The following NLGN1 variants were observed in gnomAD, a reference collection of about 807,000 sequenced individuals.
NLGN1 encodes neuroligin-1.
A neutral mutation model predicts 65.5 loss-of-function variants in NLGN1; 12 were observed. The ratio of observed to expected loss-of-function variants is 0.18; its 90% CI spans 0.12 to 0.30. NLGN1 has a LOEUF of 0.30. Among genes scored for constraint, NLGN1 ranks in the 10% least tolerant of loss-of-function variants. The pLI is 1.00. For missense variants in NLGN1, 750 were observed against 1,007.1 expected (o/e 0.74, Z 3.46); for synonymous variants, 350 against 359.5 (o/e 0.97, Z 0.30).
intron 1 of NLGN1, among the ~76,000 whole-genome samples, chr3:173,429,711 C>T (rs1262241492): frequency 6.6e-6 from 1 of 152,186 alleles, no homozygotes; most frequent in African/African-American, 2.4e-5. Flanking sequence ...CTTTTCTGCA[C>T]TAGATGACAC....
chr3:173,930,934 G>A (rs1743971428), intron 4 of NLGN1, among the ~76,000 whole-genome samples: 1 of 152,120 alleles, frequency 6.6e-6, no homozygotes, highest in Non-Finnish European at 1.5e-5. Context: ...AGAGAAAATA[G>A]TACTACCTCC....
chr3:173,769,143 A>T (rs1163885121), intron 3 of NLGN1, among the ~76,000 whole-genome samples: 1 of 152,168 alleles, frequency 6.6e-6, no homozygotes, highest in East Asian at 1.9e-4. Context: ...TAAGAGGCAT[A>T]GTTTTGGAGG....
chr3:174,121,219 T>C (rs750579076), intron 4 of NLGN1, among the ~76,000 whole-genome samples: 13 of 152,192 alleles, frequency 8.5e-5, no homozygotes, highest in Non-Finnish European at 1.6e-4. Context: ...AGTGACAGCA[T>C]TTGAAAGAAC....
chr3:173,407,409 A>G (rs187992907), intron 1 of NLGN1, among the ~76,000 whole-genome samples: 1 of 152,344 alleles, frequency 6.6e-6, no homozygotes, highest in Admixed American at 6.5e-5. Context: ...ATGCAATGGT[A>G]GAGCTGGAAC....
chr3:173,454,840 A>G (rs1577570625), intron 2 of NLGN1, among the ~76,000 whole-genome samples: 1 of 152,198 alleles, frequency 6.6e-6, no homozygotes, highest in African/African-American at 2.4e-5. Flanking sequence ...TTCAGTAGGT[A>G]ACACTTTTAG....
intron 3 of NLGN1, among the ~76,000 whole-genome samples, chr3:173,751,965 G>T (rs1449663626): frequency 6.6e-6 from 1 of 151,974 alleles, no homozygotes; most frequent in African/African-American, 2.4e-5. Context: ...TGACTCTGAG[G>T]CCTGTGCTTG....
At chr3:173,413,044 CCTT>C (rs1282973087) in intron 1 of NLGN1, among the ~76,000 whole-genome samples, 1 of 152,162 alleles carries the variant, frequency 6.6e-6, no homozygotes, top group Non-Finnish European at 1.5e-5. Flanking sequence ...CGATATTTAT[CCTT>C]CTTTTCTTTT....
chr3:173,983,099 T>C (rs1294146448), intron 4 of NLGN1, among the ~76,000 whole-genome samples: 1 of 151,806 alleles, frequency 6.6e-6, no homozygotes, highest in Non-Finnish European at 1.5e-5. Flanking sequence ...CGAGTTCTTC[T>C]GTTTTTTCTT....
chr3:173,616,569 A>G lies in NLGN1; in HGVS notation c.493+11478A>G, dbSNP rs191846339. 1.3e-3 allele frequency among the ~76,000 whole-genome samples: 197 copies of G among 152,264 alleles called. 2 individuals carry two copies. Among genetic ancestry groups the G allele is most frequent in the African/African-American group, 4.5e-3 (187 of 41,560 alleles). ...GAGGTATTACTAATTGGGAATCTAT[A>G]GAAGCCAACCCTCCCGACATGAGGA... is the stretch of plus-strand genomic sequence containing the variant. On this transcript the variant is annotated intron_variant, in intron 3 of 6. Coordinates refer to ENST00000457714, the Ensembl canonical transcript of NLGN1.
intron 3 of NLGN1, among the ~76,000 whole-genome samples, chr3:173,706,512 T>C (rs1024062751): frequency 1.3e-5 from 2 of 152,352 alleles, no homozygotes; most frequent in African/African-American, 4.8e-5. Flanking sequence ...TTATACTTCA[T>C]GAAAATTTTG....
intron 4 of NLGN1, among the ~76,000 whole-genome samples, chr3:173,828,451 A>G (rs1216490966): frequency 3.3e-5 from 5 of 152,158 alleles, no homozygotes; most frequent in African/African-American, 1.2e-4. Context: ...GTGTTCATCC[A>G]ACAGATATTC....
intron 3 of NLGN1, among the ~76,000 whole-genome samples, chr3:173,756,645 G>A (rs1004861475): frequency 2.7e-5 from 4 of 150,780 alleles, no homozygotes; most frequent in African/African-American, 9.7e-5. Flanking sequence ...CCATTAATAG[G>A]AAACAGAACT....
chr3:173,521,102 C>G (rs961046120), intron 2 of NLGN1, among the ~76,000 whole-genome samples: 2 of 152,086 alleles, frequency 1.3e-5, no homozygotes, highest in African/African-American at 4.8e-5. Flanking sequence ...TAAACACATT[C>G]TGCTGGTATA....
rs201374361 is a variant in NLGN1, at chr3:173,726,524, TTTA to T, written c.494-81145_494-81143del. On this transcript the variant is annotated intron_variant, in intron 3 of 6. Coordinates refer to ENST00000457714, the Ensembl canonical transcript of NLGN1. The stretch of plus-strand genomic sequence containing the variant: ...AGTGTTATAAAACATGACAATACCC[TTTA>T]TTATTATTATGCTCTGGTTCTCCAA... Among the ~76,000 whole-genome samples, 1,514 of 152,120 alleles carry T rather than the reference TTTA, an allele frequency of 1.0e-2. 25 individuals are homozygous for T. The highest frequency in any genetic ancestry group is 0.028 in the South Asian group (135 of 4,822).
At position 174,078,701 on chromosome 3, in the gene NLGN1, T is replaced by C. The variant is rs147619467; in HGVS notation, c.647-196614T>C. On this transcript the variant is annotated intron_variant, in intron 4 of 6. Coordinates refer to ENST00000457714, the Ensembl canonical transcript of NLGN1. ...AGGTTCTTTCTTCATAGGGTGATCT[T>C]AAGGTTGGAAATTACTTTCTCTGTT... Among the ~76,000 whole-genome samples the C allele has an allele frequency of 2.4e-3, 361 of 152,276 alleles. 1 individual carries two copies. The Middle Eastern group carries it at 0.024, about 10-fold the overall frequency.
At chr3:173,771,599 C>T (rs190688478) in intron 3 of NLGN1, among the ~76,000 whole-genome samples, 58 of 29,598 alleles carry the variant, frequency 2.0e-3, no homozygotes, top group African/African-American at 4.7e-3. Context: ...ATGTTACCAC[C>T]ATATTTTTAA....
At chr3:174,257,983 T>C (rs1396218178) in intron 4 of NLGN1, among the ~76,000 whole-genome samples, 1 of 151,454 alleles carries the variant, frequency 6.6e-6, no homozygotes, top group African/African-American at 2.4e-5. Flanking sequence ...TTCATTAAAT[T>C]TTTTGTAAAT....
intron 2 of NLGN1, among the ~76,000 whole-genome samples, chr3:173,539,696 A>G (rs1341164260): frequency 1.4e-5 from 2 of 138,594 alleles, no homozygotes; most frequent in Admixed American, 7.3e-5. Context: ...ATATGTACAT[A>G]TGCACATATA....
intron 3 of NLGN1, among the ~76,000 whole-genome samples, chr3:173,746,890 T>A (rs994911352): frequency 2.0e-5 from 3 of 151,554 alleles, no homozygotes; most frequent in African/African-American, 7.3e-5. Flanking sequence ...TAAAAGTATA[T>A]ATACATAAAA....
Sources: allele counts gnomAD v4.1 joint callset (sites outside exome capture counted in the v4.1 genomes callset), GRCh38; gene constraint gnomAD v4.1.1; transcripts MANE v1.5; gene names NCBI Gene and HGNC (gene_info 2026-07-23, HGNC 2026-07-21).